ZNF609: variants seen among roughly 807,000 people sequenced by gnomAD.
The protein encoded by ZNF609 is zinc finger protein 609.
In ZNF609, 11 loss-of-function variants were observed where a neutral mutation model predicts 109.5. The observed-to-expected ratio is 0.10, with a 90% CI of 0.06 to 0.17. The LOEUF (loss-of-function observed/expected upper bound fraction) is 0.17, where lower values mean the gene tolerates loss of function less well. Ranked by LOEUF, ZNF609 falls within the 10% of genes least tolerant of loss-of-function variation. The pLI, the probability that ZNF609 is intolerant of heterozygous loss-of-function variation, is 1.00. For synonymous variants in ZNF609, 646 were observed against 662.0 expected (o/e 0.98, Z 0.37); for missense variants, 1,559 against 1,772.4 (o/e 0.88, Z 2.16).
At position 64,578,451 on chromosome 15, in the gene ZNF609, T is replaced by A. The variant is rs146336456; in HGVS notation, c.748-44376T>A. 1.8e-3 allele frequency among the ~76,000 whole-genome samples: 270 copies of A among 152,188 alleles called. 1 individual carries two copies. The highest frequency in any genetic ancestry group is 3.4e-3 in the Non-Finnish European group (228 of 68,014). On this transcript the variant is annotated intron_variant, in intron 2 of 9. Transcript: ENST00000326648. ...TGCTCACGACTGTAATCCCAGCACC[T>A]TGGGAGGCTGAGGTGGGCGGATCAC...
Position 64,676,261 on chromosome 15 carries a change from C to G in ZNF609, c.3402+5C>G, listed in dbSNP as rs756918265. 1.0e-5 allele frequency: 16 copies of G among 1,589,598 alleles called. No homozygotes were observed. The East Asian group carries it at 3.1e-4, about 31-fold the overall frequency. Reference sequence around the variant, plus strand: ...CCAATACTCTGGTACCGACAGGTAACTGTTGCCCTGGGAGGAAGTGGAAAT... The same window carrying G: ...CCAATACTCTGGTACCGACAGGTAAGTGTTGCCCTGGGAGGAAGTGGAAAT... On this transcript the variant is annotated splice_donor_5th_base_variant and intron_variant, in intron 5 of 9. Coordinates refer to ENST00000326648, the MANE Select transcript of ZNF609 (RefSeq NM_015042.2).
intron 8 of ZNF609, 64 bp downstream of exon 8, chr15:64,680,926 G>A: frequency 6.4e-7 from 1 of 1,574,500 alleles, no homozygotes; most frequent in African/African-American, 1.3e-5. Context: ...CTTCATCCCA[G>A]TAGTAATGTC....
At chr15:64,521,947 G>A (rs534480025) in intron 2 of ZNF609, among the ~76,000 whole-genome samples, 1 of 152,350 alleles carries the variant, frequency 6.6e-6, no homozygotes, top group South Asian at 2.1e-4. Flanking sequence ...CTGTATAGGA[G>A]TACCAAGCTC....
At chr15:64,607,497 G>T (rs1044095091) in intron 2 of ZNF609, among the ~76,000 whole-genome samples, 4 of 149,584 alleles carry the variant, frequency 2.7e-5, no homozygotes, top group Non-Finnish European at 4.4e-5. Flanking sequence ...CTAACTTAAG[G>T]CATACTTTTT....
At position 64,678,589 on chromosome 15, in the gene ZNF609, C is replaced by T. The variant is rs75099473; in HGVS notation, c.3769+107C>T. 1.3e-3 allele frequency: 1,953 copies of T among 1,461,232 alleles called. 26 individuals are homozygous for T. In the African/African-American group the frequency reaches 0.025, roughly 19 times the overall value. The allele number at this position is 1,461,232 out of a possible 1,614,324, so 90.5% of individuals were successfully genotyped here. On this transcript the variant is annotated intron_variant, in intron 6 of 9. Coordinates refer to ENST00000326648, the MANE Select transcript of ZNF609 (RefSeq NM_015042.2). Reference sequence around the variant, plus strand: ...CAGCCCCAAGGCATATTGAGGCTCGCTTAGATGACGGACCTTTTTTCACTG... The same window carrying T: ...CAGCCCCAAGGCATATTGAGGCTCGTTTAGATGACGGACCTTTTTTCACTG...
At chr15:64,653,490 CAAA>C (rs968353788) in intron 3 of ZNF609, among the ~76,000 whole-genome samples, 96 of 152,132 alleles carry the variant, frequency 6.3e-4, no homozygotes, top group African/African-American at 2.2e-3. Flanking sequence ...ACTAAAAATA[CAAA>C]AAATTAGCTG....
chr15:64,627,139 G>A (rs1895975849), intron 3 of ZNF609, among the ~76,000 whole-genome samples: 1 of 151,538 alleles, frequency 6.6e-6, no homozygotes, highest in Non-Finnish European at 1.5e-5. Flanking sequence ...GCAGTGAGCC[G>A]AGAGTGTGCC....
chr15:64,547,753 TAAAC>T (rs889911096), intron 2 of ZNF609, among the ~76,000 whole-genome samples: 3 of 151,276 alleles, frequency 2.0e-5, no homozygotes, highest in African/African-American at 4.9e-5. Context: ...GTAAAACAAA[TAAAC>T]AAACAAAAAA....
Position 64,499,404 on chromosome 15 carries a change from G to A in ZNF609, c.-16G>A, listed in dbSNP as rs1319499629. On this transcript the variant is annotated 5_prime_UTR_variant, in exon 2 of 10. Coordinates refer to ENST00000326648, the MANE Select transcript of ZNF609 (RefSeq NM_015042.2). ...AGGAAGAGCCTTGAATCTTGAGGTGGGACGTTGACTCTAAGATGTCCTTGA... is the reference window on the plus strand; with the variant it reads ...AGGAAGAGCCTTGAATCTTGAGGTGAGACGTTGACTCTAAGATGTCCTTGA... The A allele has an allele frequency of 6.2e-7, 1 of 1,607,464 alleles. No individual in the cohort carries two copies. The highest frequency in any genetic ancestry group is 1.1e-5 in the South Asian group (1 of 90,312).
chr15:64,464,136 A>G (rs945321066), intron 1 of ZNF609, among the ~76,000 whole-genome samples: 5 of 152,210 alleles, frequency 3.3e-5, no homozygotes, highest in Non-Finnish European at 2.9e-5. Context: ...ATATGGAGGC[A>G]TAATTTTGGC....
intron 2 of ZNF609, among the ~76,000 whole-genome samples, chr15:64,579,556 CA>C (rs1895060101): frequency 1.3e-5 from 2 of 150,822 alleles, no homozygotes; most frequent in African/African-American, 4.9e-5. Context: ...ACTAAAAGTA[CA>C]AAAAAAATTA....
chr15:64,577,012 G>GTATA lies in ZNF609; in HGVS notation c.748-45814_748-45811dup, dbSNP rs1567019058. Among the ~76,000 whole-genome samples, 33 of 96,272 alleles carry GTATA rather than the reference G, an allele frequency of 3.4e-4. 5 individuals are homozygous for GTATA. Among genetic ancestry groups the GTATA allele is most frequent in the African/African-American group, 8.4e-4 (21 of 24,966 alleles). The allele number at this position is 96,272 out of a possible 152,430, so 63.2% of individuals were successfully genotyped here. Reference sequence around the variant, plus strand: ...TATACACATAAATATATATATGTATGTATACACATAAATATATATATGTAT... The same window carrying GTATA: ...TATACACATAAATATATATATGTATGTATATATACACATAAATATATATATGTAT... On this transcript the variant is annotated intron_variant, in intron 2 of 9. Coordinates refer to ENST00000326648, the MANE Select transcript of ZNF609 (RefSeq NM_015042.2).
In ZNF609 at chr15:64,577,394, C is replaced by T. The variant is rs181370477; in HGVS notation, c.748-45433C>T. Among the ~76,000 whole-genome samples, 50 of 16,182 alleles carry T rather than the reference C, an allele frequency of 3.1e-3. 11 individuals carry two copies. Among genetic ancestry groups the T allele is most frequent in the African/African-American group, 3.2e-3 (32 of 10,064 alleles). 10.6% of individuals were successfully genotyped at this position (16,182 alleles called of 152,430 possible). A position where few individuals can be genotyped will look rare whatever the true frequency, so the allele number is the denominator to read the frequency against. ...ATATATACACATATAAATATATACA[C>T]ATATATGTATATATATACACATATA... On this transcript the variant is annotated intron_variant, in intron 2 of 9. Transcript: ENST00000326648.
chr15:64,503,317 ACTTC>A (rs1207010643), intron 2 of ZNF609, among the ~76,000 whole-genome samples: 10 of 152,116 alleles, frequency 6.6e-5, no homozygotes, highest in Non-Finnish European at 1.5e-4. Flanking sequence ...TCTGCCTCAT[ACTTC>A]CTGCCAGCTG....
At chr15:64,602,291 TG>T (rs1273992428) in intron 2 of ZNF609, among the ~76,000 whole-genome samples, 1 of 152,206 alleles carries the variant, frequency 6.6e-6, no homozygotes, top group Non-Finnish European at 1.5e-5. Context: ...TAGTACTGTA[TG>T]GGTTCTGGCA....
chr15:64,545,400 T>C (rs1382008007), intron 2 of ZNF609, among the ~76,000 whole-genome samples: 1 of 152,162 alleles, frequency 6.6e-6, no homozygotes, highest in East Asian at 1.9e-4. Flanking sequence ...GGTTTCACCG[T>C]GTTGCCCAGG....
intron 2 of ZNF609, among the ~76,000 whole-genome samples, chr15:64,506,943 T>G (rs903606523): frequency 6.6e-6 from 1 of 152,198 alleles, no homozygotes; most frequent in African/African-American, 2.4e-5. Context: ...AGCTAAGACT[T>G]TTTAGCACTA....
chr15:64,516,756 T>TA (rs2140361515), intron 2 of ZNF609, among the ~76,000 whole-genome samples: 1 of 152,272 alleles, frequency 6.6e-6, no homozygotes, highest in South Asian at 2.1e-4. Flanking sequence ...ATATATATAT[T>TA]TTTAATCTTG....
chr15:64,680,079 C>G lies in ZNF609; in HGVS notation c.3770-106C>G, dbSNP rs530817911. 3.3e-6 allele frequency: 4 copies of G among 1,229,480 alleles called. No individual in the cohort carries two copies. In the East Asian group the frequency reaches 9.4e-5, roughly 29 times the overall value. The allele number at this position is 1,229,480 out of a possible 1,614,324, so 76.2% of individuals were successfully genotyped here. On this transcript the variant is annotated intron_variant, in intron 6 of 9. Coordinates refer to ENST00000326648, the MANE Select transcript of ZNF609 (RefSeq NM_015042.2). ...CCAAAGACACTATGTTAGAAAATAC[C>G]TCAGCCTGTGCCTAGGAAAGCTGAT...
Sources: allele counts gnomAD v4.1 joint callset (sites outside exome capture counted in the v4.1 genomes callset), GRCh38; gene constraint gnomAD v4.1.1; transcripts MANE v1.5; gene names NCBI Gene and HGNC (gene_info 2026-07-23, HGNC 2026-07-21).